Variants in NOL4 observed in about 807,000 individuals in gnomAD.
NOL4 encodes the protein nucleolar protein 4.
A neutral mutation model predicts 75.9 loss-of-function variants in NOL4; 17 were observed. The ratio of observed to expected loss-of-function variants is 0.22; its 90% CI spans 0.15 to 0.34. NOL4 has a LOEUF of 0.34. NOL4 is among the 10% of genes least tolerant of loss of function. The pLI is 1.00. For missense variants in NOL4, 614 were observed against 793.5 expected (o/e 0.77, Z 2.72); for synonymous variants, 292 against 289.9 (o/e 1.01, Z -0.07).
chr18:34,062,161 C>A (rs2077088555), intron 5 of NOL4, among the ~76,000 whole-genome samples: 1 of 151,932 alleles, frequency 6.6e-6, no homozygotes, highest in Non-Finnish European at 1.5e-5. Context: ...ATTCTGTTCA[C>A]CGACGTAACA....
chr18:34,141,042 G>A (rs1416862473), intron 1 of NOL4, among the ~76,000 whole-genome samples: 1 of 152,074 alleles, frequency 6.6e-6, no homozygotes, highest in Non-Finnish European at 1.5e-5. Context: ...ACCAATAATA[G>A]ACAAACAGAG....
At chr18:34,142,689 G>C (rs1339000332) in intron 1 of NOL4, among the ~76,000 whole-genome samples, 2 of 152,130 alleles carry the variant, frequency 1.3e-5, no homozygotes, top group Non-Finnish European at 2.9e-5. Context: ...TGTGGGGTGG[G>C]GGGAGGATGG....
intron 1 of NOL4, among the ~76,000 whole-genome samples, chr18:34,151,653 C>A (rs1462198813): frequency 6.6e-6 from 1 of 151,742 alleles, no homozygotes; most frequent in Non-Finnish European, 1.5e-5. Context: ...CATCTTTTTC[C>A]AAACTCATGG....
chr18:34,021,491 C>A (rs1416203825), intron 5 of NOL4, among the ~76,000 whole-genome samples: 2 of 152,140 alleles, frequency 1.3e-5, no homozygotes, highest in African/African-American at 4.8e-5. Context: ...CCAAGAAAAG[C>A]ATTTTGTTTA....
At chr18:34,147,195 T>C (rs982909354) in intron 1 of NOL4, among the ~76,000 whole-genome samples, 3 of 152,094 alleles carry the variant, frequency 2.0e-5, no homozygotes, top group Non-Finnish European at 4.4e-5. Context: ...CTCTTCCTAT[T>C]TGAATACCCT....
At chr18:33,959,053 A>G (rs184257514) in intron 6 of NOL4, among the ~76,000 whole-genome samples, 1 of 152,244 alleles carries the variant, frequency 6.6e-6, no homozygotes, top group African/African-American at 2.4e-5. Flanking sequence ...GAAAATGGGA[A>G]CCGGGTTTCT....
intron 4 of NOL4, among the ~76,000 whole-genome samples, chr18:34,103,170 C>T (rs1600596050): frequency 6.6e-6 from 1 of 151,968 alleles, no homozygotes; most frequent in African/African-American, 2.4e-5. Context: ...AACCTCATTT[C>T]CTGTTTTAGA....
intron 10 of NOL4, among the ~76,000 whole-genome samples, chr18:33,881,795 C>T (rs1478193448): frequency 6.6e-6 from 1 of 152,132 alleles, no homozygotes; most frequent in African/African-American, 2.4e-5. Flanking sequence ...TGCTACCTGA[C>T]TTCAAACTAT....
chr18:33,938,587 A>G (rs1386137824), intron 9 of NOL4, among the ~76,000 whole-genome samples: 1 of 152,100 alleles, frequency 6.6e-6, no homozygotes, highest in African/African-American at 2.4e-5. Flanking sequence ...TTCTTTTGAG[A>G]AGCGTCTGTT....
chr18:34,106,348 T>C lies in NOL4; in HGVS notation c.415-1188A>G, dbSNP rs1600608606. On this transcript the variant is annotated intron_variant, in intron 2 of 10. Coordinates refer to ENST00000261592, the MANE Select transcript of NOL4 (RefSeq NM_003787.5). ...ATTGTAAAGCTCATTTTTCTCTTAA[T>C]TTAATATTAAAATCAGTTTATACCA... Among the ~76,000 whole-genome samples, 4 of 152,184 alleles carry C rather than the reference T, an allele frequency of 2.6e-5. No individual in the cohort carries two copies. In the South Asian group the frequency reaches 8.3e-4, roughly 32 times the overall value.
intron 5 of NOL4, among the ~76,000 whole-genome samples, chr18:34,074,949 A>G (rs1279722023): frequency 2.6e-5 from 4 of 152,168 alleles, no homozygotes; most frequent in Non-Finnish European, 5.9e-5. Context: ...AGCCCTGGTA[A>G]TAAACAAATG....
intron 6 of NOL4, among the ~76,000 whole-genome samples, chr18:34,011,626 C>G (rs2074378665): frequency 6.6e-6 from 1 of 151,644 alleles, no homozygotes; most frequent in South Asian, 2.1e-4. Context: ...AGCACACACA[C>G]ACACTTAAGC....
chr18:34,013,728 A>G (rs1321525437), intron 6 of NOL4, among the ~76,000 whole-genome samples: 1 of 151,948 alleles, frequency 6.6e-6, no homozygotes, highest in African/African-American at 2.4e-5. Context: ...TCACACACAA[A>G]TCAATTTCTG....
chr18:34,050,835 G>A lies in NOL4; in HGVS notation c.773-31234C>T, dbSNP rs546883330. ...AATATAAACCCCAAGGCAGTTCTGA[G>A]TAAAAAGACTGAAATATTGGAGCCT... On this transcript the variant is annotated intron_variant, in intron 5 of 10. Coordinates refer to ENST00000261592, the MANE Select transcript of NOL4 (RefSeq NM_003787.5). Among the ~76,000 whole-genome samples, 9 of 152,130 alleles carry A rather than the reference G, an allele frequency of 5.9e-5. No homozygotes were observed. The South Asian group carries it at 1.9e-3, about 32-fold the overall frequency.
chr18:33,972,771 A>C (rs566808636), intron 6 of NOL4, among the ~76,000 whole-genome samples: 33 of 152,344 alleles, frequency 2.2e-4, no homozygotes, highest in African/African-American at 7.7e-4. Context: ...GTGCAATAGC[A>C]CTAGTTCTAA....
intron 1 of NOL4, among the ~76,000 whole-genome samples, chr18:34,209,082 G>A (rs1243873950): frequency 2.7e-5 from 4 of 149,314 alleles, no homozygotes; most frequent in Non-Finnish European, 4.5e-5. Flanking sequence ...GTGATGGTGG[G>A]TGCCTGTAAT....
chr18:34,140,472 G>A (rs971945117), intron 1 of NOL4, among the ~76,000 whole-genome samples: 4 of 152,008 alleles, frequency 2.6e-5, no homozygotes, highest in African/African-American at 9.7e-5. Context: ...TTGGTTTAAG[G>A]TCTGTTTTAT....
At chr18:34,105,207 G>T in intron 2 of NOL4, 47 bp from the exon 3 acceptor site, 2 of 1,196,888 alleles carry the variant, frequency 1.7e-6, no homozygotes, top group Non-Finnish European at 2.5e-6. Context: ...AGCTCACTGA[G>T]CATGATTTAA....
chr18:34,061,251 T>G (rs1375456407), intron 5 of NOL4, among the ~76,000 whole-genome samples: 1 of 152,152 alleles, frequency 6.6e-6, no homozygotes, highest in African/African-American at 2.4e-5. Flanking sequence ...ATGAAAGATA[T>G]TTGCTGAATT....
Sources: allele counts gnomAD v4.1 joint callset (sites outside exome capture counted in the v4.1 genomes callset), GRCh38; gene constraint gnomAD v4.1.1; transcripts MANE v1.5; gene names NCBI Gene and HGNC (gene_info 2026-07-23, HGNC 2026-07-21).